The following IL1RAPL1 variants were observed in gnomAD, a reference collection of about 807,000 sequenced individuals.
The protein encoded by IL1RAPL1 is interleukin-1 receptor accessory protein-like 1.
A neutral mutation model predicts 48.4 loss-of-function variants in IL1RAPL1; 3 were observed. That is an observed-to-expected ratio of 0.06 (90% CI 0.03 to 0.16). The LOEUF is 0.16. Ranked by LOEUF, IL1RAPL1 falls within the 10% of genes least tolerant of loss-of-function variation. The probability of loss-of-function intolerance (pLI) is 1.00; values close to 1 mark genes in which losing one functional copy is unlikely to be tolerated. For synonymous variants in IL1RAPL1, 185 were observed against 187.7 expected (o/e 0.99, Z 0.12); for missense variants, 349 against 530.6 (o/e 0.66, Z 3.36).
At chrX:29,686,651 G>A (rs1032438017) in intron 6 of IL1RAPL1, among the ~76,000 whole-genome samples, 2 of 108,599 alleles carry the variant, frequency 1.8e-5, no homozygotes, top group African/African-American at 3.4e-5. Flanking sequence ...TCCGCCTCCC[G>A]GGTTCACGCC....
At chrX:28,631,665 C>T (rs1044508530) in intron 1 of IL1RAPL1, among the ~76,000 whole-genome samples, 4 of 112,218 alleles carry the variant, frequency 3.6e-5, no homozygotes, top group Admixed American at 9.4e-5. Context: ...CCTAGGTAAA[C>T]GTCAAATCCC....
intron 5 of IL1RAPL1, among the ~76,000 whole-genome samples, chrX:29,408,006 A>G (rs781258208): frequency 2.4e-3 from 269 of 112,036 alleles, no homozygotes; most frequent in Non-Finnish European, 3.6e-3. Context: ...ATATCCTAGG[A>G]TTCCTTGCAC....
intron 5 of IL1RAPL1, among the ~76,000 whole-genome samples, chrX:29,484,313 C>A (rs975359939): frequency 3.6e-5 from 4 of 111,398 alleles, no homozygotes; most frequent in Non-Finnish European, 7.5e-5. Context: ...GGTGACAGGG[C>A]AAGATCTTTC....
rs745632872 is a variant in IL1RAPL1 at position 28,965,537 on chromosome X, G to T, written c.82+176112G>T. ...TTAGGAATTAAGTTATAGTCTCTAA[G>T]GACAGCTTCAAAACTTCACAACTCA... On this transcript the variant is annotated intron_variant, in intron 2 of 10. Transcript: ENST00000378993. Among the ~76,000 whole-genome samples the T allele has an allele frequency of 3.6e-5, 4 of 111,816 alleles. No homozygotes were observed. In the South Asian group the frequency reaches 1.5e-3, roughly 42 times the overall value.
intron 2 of IL1RAPL1, among the ~76,000 whole-genome samples, chrX:29,179,002 TGTA>T (rs1296879700): frequency 8.9e-6 from 1 of 111,939 alleles, no homozygotes; most frequent in Non-Finnish European, 1.9e-5. Flanking sequence ...ACTGTAGCCT[TGTA>T]GTATAGTTTG....
intron 2 of IL1RAPL1, among the ~76,000 whole-genome samples, chrX:28,939,433 A>T (rs186018345): frequency 9.0e-6 from 1 of 111,265 alleles, no homozygotes; most frequent in East Asian, 2.8e-4. Flanking sequence ...ACACAGGAAT[A>T]GAAAACCAAA....
At chrX:28,803,830 T>A (rs1000218732) in intron 2 of IL1RAPL1, among the ~76,000 whole-genome samples, 2 of 112,472 alleles carry the variant, frequency 1.8e-5, no homozygotes, top group Admixed American at 1.9e-4. Flanking sequence ...CTTGATAACA[T>A]TGATTCACAT....
chrX:29,277,560 TA>T (rs1336601900), intron 2 of IL1RAPL1, among the ~76,000 whole-genome samples: 1 of 111,581 alleles, frequency 9.0e-6, no homozygotes, highest in African/African-American at 3.3e-5. Context: ...TGTAGAGCTT[TA>T]AAAAGGCAAA....
intron 1 of IL1RAPL1, among the ~76,000 whole-genome samples, chrX:28,666,786 G>A (rs1449601416): frequency 7.2e-5 from 8 of 111,650 alleles, no homozygotes. Flanking sequence ...GGCTTAGTTG[G>A]CTATATAAAC....
In IL1RAPL1 at chrX:29,282,326, G is replaced by A. The variant is rs377097703; in HGVS notation, c.83-612G>A. 4.5e-5 allele frequency among the ~76,000 whole-genome samples: 5 copies of A among 112,275 alleles called. No individual in the cohort carries two copies. The South Asian group carries it at 1.5e-3, about 33-fold the overall frequency. On this transcript the variant is annotated intron_variant, in intron 2 of 10. Transcript: ENST00000378993. ...TGGGAAGGTACAACCATAGCTTACC[G>A]AATGGCAGAAATCGCTAAGTTGCTA...
At chrX:29,102,797 A>T (rs1252740931) in intron 2 of IL1RAPL1, among the ~76,000 whole-genome samples, 2 of 112,203 alleles carry the variant, frequency 1.8e-5, no homozygotes, top group Non-Finnish European at 3.8e-5. Flanking sequence ...TTACAAAATC[A>T]ACATACAAAA....
At chrX:28,956,556 G>T (rs1924615445) in intron 2 of IL1RAPL1, among the ~76,000 whole-genome samples, 3 of 103,626 alleles carry the variant, frequency 2.9e-5, no homozygotes, top group African/African-American at 1.1e-4. Flanking sequence ...TTATATGCTG[G>T]ATTACATTTA....
Position 29,690,364 on chromosome X carries a change from G to T in IL1RAPL1, c.778+21860G>T, listed in dbSNP as rs1043132233. Among the ~76,000 whole-genome samples, 5 of 112,040 alleles carry T rather than the reference G, an allele frequency of 4.5e-5. 2 individuals are homozygous for T. On this transcript the variant is annotated intron_variant, in intron 6 of 10. Coordinates refer to ENST00000378993, the MANE Select transcript of IL1RAPL1 (RefSeq NM_014271.4). ...CTTAAAGAAGTAACAAAGGAAGTCA[G>T]ATATTTATTGATGGGAAGGATAACT...
intron 1 of IL1RAPL1, among the ~76,000 whole-genome samples, chrX:28,620,094 A>C (rs1247945918): frequency 1.8e-5 from 2 of 110,715 alleles, no homozygotes; most frequent in Non-Finnish European, 3.8e-5. Flanking sequence ...AAAAACACTA[A>C]AGTGTTTTAA....
intron 6 of IL1RAPL1, among the ~76,000 whole-genome samples, chrX:29,838,836 G>A (rs886254792): frequency 8.9e-6 from 1 of 111,961 alleles, no homozygotes; most frequent in South Asian, 3.7e-4. Flanking sequence ...TGGTTCTTCT[G>A]GTTTAGGCCA....
intron 8 of IL1RAPL1, among the ~76,000 whole-genome samples, chrX:29,925,197 C>T (rs1238818460): frequency 9.0e-6 from 1 of 110,560 alleles, no homozygotes; most frequent in East Asian, 2.8e-4. Context: ...TTTATGGCAG[C>T]ATTTCCCTAG....
chrX:29,322,219 TTCTG>T (rs1288461640), intron 3 of IL1RAPL1, among the ~76,000 whole-genome samples: 39 of 110,321 alleles, frequency 3.5e-4, no homozygotes, highest in African/African-American at 1.2e-3. Flanking sequence ...CTTTCTTTCT[TTCTG>T]TCTTTCTTTC....
intron 2 of IL1RAPL1, among the ~76,000 whole-genome samples, chrX:29,041,424 A>G (rs908670354): frequency 8.9e-6 from 1 of 112,247 alleles, no homozygotes; most frequent in Non-Finnish European, 1.9e-5. Flanking sequence ...TGAGAAAGAT[A>G]TCCTGCCTCT....
chrX:29,887,081 T>C (rs1003187404), intron 6 of IL1RAPL1, among the ~76,000 whole-genome samples: 36 of 111,880 alleles, frequency 3.2e-4, no homozygotes, highest in African/African-American at 1.2e-3. Context: ...CCATAACCTA[T>C]GTTTCACTTG....
Sources: gnomAD v4.1 joint callset for allele counts (sites outside exome capture counted in the v4.1 genomes callset) on GRCh38, gnomAD v4.1.1 for gene constraint, MANE v1.5 for transcripts, NCBI Gene and HGNC (gene_info 2026-07-23, HGNC 2026-07-21) for gene names.